The following TECR variants were observed in gnomAD, a reference collection of about 807,000 sequenced individuals.
TECR encodes trans-2,3-enoyl-CoA reductase.
Under a neutral mutation model 50.6 loss-of-function variants are expected in TECR, and 19 were observed. That is an observed-to-expected ratio of 0.38 (90% confidence interval 0.26 to 0.55). The LOEUF (loss-of-function observed/expected upper bound fraction) is 0.55, where lower values mean the gene tolerates loss of function less well. TECR is among the 20% of genes least tolerant of loss of function. TECR has a pLI of 0.79. For synonymous variants in TECR, 168 were observed against 163.5 expected (o/e 1.03, Z -0.21); for missense variants, 313 against 408.3 (o/e 0.77, Z 2.01).
intron 1 of TECR, among the ~76,000 whole-genome samples, chr19:14,561,375 A>G (rs1044216929): frequency 1.3e-5 from 2 of 152,094 alleles, no homozygotes; most frequent in African/African-American, 2.4e-5. Flanking sequence ...CCCCTGTATA[A>G]TAGGATTGCA....
chr19:14,562,804 G>A lies in TECR; in HGVS notation c.66+229G>A, dbSNP rs544041156. Among the ~76,000 whole-genome samples, 4 of 152,120 alleles carry A rather than the reference G, an allele frequency of 2.6e-5. No homozygotes were observed. The East Asian group carries it at 5.8e-4, about 22-fold the overall frequency. ...GCGGGGATTTTGGTCCTGGGAGGGCGGTGGAGGAGTGAGCCTTGCCCCTGC... is the reference window on the plus strand; with the variant it reads ...GCGGGGATTTTGGTCCTGGGAGGGCAGTGGAGGAGTGAGCCTTGCCCCTGC... On this transcript the variant is annotated intron_variant, in intron 2 of 12. Coordinates refer to ENST00000215567, the MANE Select transcript of TECR (RefSeq NM_138501.6).
At chr19:14,564,655 T>C (rs557448559) in intron 7 of TECR, 131 bp from the exon 8 acceptor site, 21 of 675,776 alleles carry the variant, frequency 3.1e-5, no homozygotes, top group South Asian at 7.4e-5. Context: ...CCGCCTATCC[T>C]CCCCAGCCCC....
At position 14,551,175 on chromosome 19, in the gene TECR, C is replaced by T. The variant is rs982363181; in HGVS notation, c.16-11350C>T. ...CAACCTCCACCTCCCAGGTTCATAACGATTCTCCTGCCTCAGGCTCCTGAG... is the reference window on the plus strand; with the variant it reads ...CAACCTCCACCTCCCAGGTTCATAATGATTCTCCTGCCTCAGGCTCCTGAG... On this transcript the variant is annotated intron_variant, in intron 1 of 12. Transcript: ENST00000215567. Among the ~76,000 whole-genome samples, 6 of 151,810 alleles carry T rather than the reference C, an allele frequency of 4.0e-5. No homozygotes were observed. The East Asian group carries it at 9.6e-4, about 24-fold the overall frequency.
chr19:14,565,632 C>G lies in TECR; in HGVS notation c.768C>G (p.Ile256Met). Residue 256 changes from isoleucine to methionine, a missense_variant, in exon 12 of 13, where the codon ATC becomes ATG. Transcript: ENST00000215567. The stretch of plus-strand genomic sequence containing the variant: ...CCTGCCCACAGGTGGGGTCCTGGAT[C>G]GGTTTCGCCATCATGACGCAGTGTC... ...PNYTYEVGSW[I>M]GFAIMTQCLP... 2 of 1,612,190 alleles carry G rather than the reference C, an allele frequency of 1.2e-6. No individual in the cohort carries two copies. The highest frequency in any genetic ancestry group is 1.7e-6 in the Non-Finnish European group (2 of 1,179,734).
At chr19:14,545,952 GCTC>G (rs1276369101) in intron 1 of TECR, 4 of 152,304 alleles carry the variant, frequency 2.6e-5, no homozygotes, top group African/African-American at 9.6e-5. Flanking sequence ...CCTGATCAGA[GCTC>G]CTCTGGGCCA....
chr19:14,564,855 C>G lies in TECR; in HGVS notation c.559C>G (p.Pro187Ala). The G allele has an allele frequency of 1.9e-6, 3 of 1,613,994 alleles. No homozygotes were observed. The highest frequency in any genetic ancestry group is 2.5e-6 in the Non-Finnish European group (3 of 1,180,020). The stretch of plus-strand genomic sequence containing the variant: ...CATCAATCACCCTCTCTACACTCCC[C>G]CTAGTAAGTGGCCTCAGACCATCCT... ...YYINHPLYTP[P>A]TYGAQQVKLA... The change falls in exon 8 of 13, where the codon CCT becomes GCT. Residue 187 changes from proline to alanine, a missense_variant. Physicochemically the swap from Pro to Ala is conservative, Grantham distance 27. Transcript: ENST00000215567.
At chr19:14,565,456 T>C (rs946426606) in intron 11 of TECR, among the ~76,000 whole-genome samples, 162 bp from the exon 12 acceptor site, 5 of 152,148 alleles carry the variant, frequency 3.3e-5, no homozygotes, top group Non-Finnish European at 5.9e-5. Flanking sequence ...GGGAGGCGTG[T>C]GCCGCTGGGC....
intron 1 of TECR, among the ~76,000 whole-genome samples, chr19:14,560,368 CG>C (rs2073867387): frequency 6.6e-6 from 1 of 152,178 alleles, no homozygotes; most frequent in Non-Finnish European, 1.5e-5. Context: ...ACAGGCCACA[CG>C]GGCTTGGAAG....
At chr19:14,544,075 G>A (rs2073219631) in intron 1 of TECR, among the ~76,000 whole-genome samples, 1 of 152,020 alleles carries the variant, frequency 6.6e-6, no homozygotes, top group South Asian at 2.1e-4. Context: ...GCCAGGGGTG[G>A]GGGATCCACA....
intron 1 of TECR, among the ~76,000 whole-genome samples, chr19:14,556,515 C>G (rs1311090101): frequency 6.6e-6 from 1 of 152,112 alleles, no homozygotes; most frequent in African/African-American, 2.4e-5. Context: ...TCTGCCCCCA[C>G]CCCCTGCTTG....
intron 1 of TECR, chr19:14,532,531 A>G (rs929175561): frequency 6.6e-6 from 1 of 151,750 alleles, no homozygotes; most frequent in South Asian, 2.1e-4. Flanking sequence ...AAAAAAAAAA[A>G]AAAAGGGAAG....
At chr19:14,557,053 C>T (rs1370684447) in intron 1 of TECR, among the ~76,000 whole-genome samples, 1 of 152,172 alleles carries the variant, frequency 6.6e-6, no homozygotes, top group African/African-American at 2.4e-5. Context: ...GCCTGTGGAT[C>T]CTGCCAGGGT....
intron 1 of TECR, among the ~76,000 whole-genome samples, chr19:14,538,951 T>C (rs1258813425): frequency 6.6e-6 from 1 of 150,850 alleles, no homozygotes; most frequent in African/African-American, 2.4e-5. Context: ...AGTTTTGATA[T>C]AATGTCACAC....
chr19:14,553,966 A>G (rs1034283177), intron 1 of TECR, among the ~76,000 whole-genome samples: 7 of 152,076 alleles, frequency 4.6e-5, no homozygotes, highest in African/African-American at 1.2e-4. Context: ...GACTCGGGAG[A>G]TGCTTCCTAC....
chr19:14,551,973 T>C (rs1195555130), intron 1 of TECR, among the ~76,000 whole-genome samples: 3 of 94,036 alleles, frequency 3.2e-5, no homozygotes, highest in South Asian at 4.5e-4. Flanking sequence ...CTCTCTCTCT[T>C]TCTCTCTTTT....
chr19:14,536,921 C>T (rs2072917836), intron 1 of TECR, among the ~76,000 whole-genome samples: 1 of 148,268 alleles, frequency 6.7e-6, no homozygotes, highest in African/African-American at 2.5e-5. Flanking sequence ...TACGGCCCTA[C>T]TCACCTCTGG....
At chr19:14,549,210 A>ATTTT (rs2073405465) in intron 1 of TECR, among the ~76,000 whole-genome samples, 6 of 106,654 alleles carry the variant, frequency 5.6e-5, no homozygotes, top group Admixed American at 9.2e-5. Flanking sequence ...CTTTAATTGG[A>ATTTT]CTTTTTTTTT....
In TECR at chr19:14,563,732, C is replaced by G. The variant is rs1213411435; in HGVS notation, c.163+30C>G. 4 of 1,613,044 alleles carry G rather than the reference C, an allele frequency of 2.5e-6. No individual in the cohort carries two copies. Among genetic ancestry groups the G allele is most frequent in the Non-Finnish European group, 3.4e-6 (4 of 1,179,896 alleles). On this transcript the variant is annotated intron_variant, in intron 4 of 12. Transcript: ENST00000215567. The surrounding 1 kb of genome is among the most constrained non-coding windows in gnomAD (Gnocchi z 5.3). ...GTACAGCTGTCCACTCGGCCCGCCC[C>G]CTGGGCTCCTGGGTGGCAGTGGGAG...
intron 1 of TECR, among the ~76,000 whole-genome samples, chr19:14,537,899 C>T (rs527821894): frequency 6.6e-6 from 1 of 152,084 alleles, no homozygotes; most frequent in East Asian, 1.9e-4. Flanking sequence ...GTGCCCACCA[C>T]CACACTTGGC....
Sources: allele counts gnomAD v4.1 joint callset (sites outside exome capture counted in the v4.1 genomes callset), GRCh38; gene constraint gnomAD v4.1.1; non-coding constraint Gnocchi (gnomAD v3.1); transcripts MANE v1.5; gene names NCBI Gene and HGNC (gene_info 2026-07-23, HGNC 2026-07-21).